NSUN6: variants seen among roughly 807,000 people sequenced by gnomAD.
NSUN6 encodes the protein tRNA (cytosine(72)-C(5))-methyltransferase NSUN6.
A neutral mutation model predicts 58.0 loss-of-function variants in NSUN6; 64 were observed. That is an observed-to-expected ratio of 1.10 (90% CI 0.90 to 1.36). The LOEUF (loss-of-function observed/expected upper bound fraction) is 1.36, where lower values mean the gene tolerates loss of function less well. NSUN6 is among the 40% of genes most tolerant of loss of function. NSUN6 has a pLI of 0.00. For missense variants in NSUN6, 701 were observed against 550.1 expected, an observed-to-expected ratio of 1.27 and a Z score of -2.74; for synonymous variants, 231 against 193.9, an observed-to-expected ratio of 1.19 and a Z score of -1.59.
At chr10:18,554,157 G>A (rs2054810693) in intron 8 of NSUN6, among the ~76,000 whole-genome samples, 1 of 150,104 alleles carries the variant, frequency 6.7e-6, no homozygotes, top group South Asian at 2.1e-4. Flanking sequence ...ATAAACGAAT[G>A]CGGAATGGAA....
intron 8 of NSUN6, among the ~76,000 whole-genome samples, chr10:18,564,808 T>G: frequency 6.6e-6 from 1 of 151,250 alleles, no homozygotes; most frequent in Non-Finnish European, 1.5e-5. Flanking sequence ...TGCATTCCAT[T>G]CCATTATTCA....
At chr10:18,610,885 T>C (rs1024059163) in intron 5 of NSUN6, among the ~76,000 whole-genome samples, 1 of 152,128 alleles carries the variant, frequency 6.6e-6, no homozygotes, top group Non-Finnish European at 1.5e-5. Context: ...GAAAAAAGTA[T>C]AGTCTCATTA....
intron 8 of NSUN6, among the ~76,000 whole-genome samples, chr10:18,574,010 A>G (rs1413654013): frequency 6.6e-6 from 1 of 152,102 alleles, no homozygotes; most frequent in Admixed American, 6.6e-5. Flanking sequence ...GCTGAAGGAA[A>G]GGCTCATAAC....
intron 3 of NSUN6, among the ~76,000 whole-genome samples, chr10:18,626,292 C>T (rs1236616178): frequency 3.3e-5 from 5 of 150,272 alleles, no homozygotes; most frequent in South Asian, 2.1e-4. Context: ...GTAATCCCAA[C>T]ACTTTGGGAG....
At chr10:18,551,005 C>T (rs1411339192) in intron 9 of NSUN6, among the ~76,000 whole-genome samples, 3 of 151,960 alleles carry the variant, frequency 2.0e-5, no homozygotes, top group Non-Finnish European at 2.9e-5. Context: ...AGATGATGGG[C>T]GCAAGCCACC....
chr10:18,579,024 C>T (rs1413271501), intron 8 of NSUN6, among the ~76,000 whole-genome samples: 2 of 152,098 alleles, frequency 1.3e-5, no homozygotes, highest in Admixed American at 6.5e-5. Flanking sequence ...ACAAATATTC[C>T]AGACCTTTCT....
In NSUN6 at chr10:18,574,446, C is replaced by A. The variant is rs181175075; in HGVS notation, c.922+11503G>T. 4.5e-3 allele frequency among the ~76,000 whole-genome samples: 682 copies of A among 152,132 alleles called. 9 individuals carry two copies. Among genetic ancestry groups the A allele is most frequent in the African/African-American group, 0.016 (666 of 41,524 alleles). On this transcript the variant is annotated intron_variant, in intron 8 of 10. Transcript: ENST00000377304. ...AATCCAAATCTAAGGAGGGAACACA[C>A]GTTAGATTTAATTTATTATCATACA...
At chr10:18,617,145 C>T (rs933535856) in intron 3 of NSUN6, among the ~76,000 whole-genome samples, 2 of 151,620 alleles carry the variant, frequency 1.3e-5, no homozygotes, top group Non-Finnish European at 2.9e-5. Context: ...AATAATCACT[C>T]ACAAAAACAA....
At chr10:18,596,913 A>G (rs1302412223) in intron 6 of NSUN6, among the ~76,000 whole-genome samples, 1 of 152,204 alleles carries the variant, frequency 6.6e-6, no homozygotes, top group African/African-American at 2.4e-5. Context: ...AACCAAGAAT[A>G]TAACTTTGCC....
At chr10:18,563,039 TGAATGGAATGGAGAATTGATTG>T (rs1334824974) in intron 8 of NSUN6, among the ~76,000 whole-genome samples, 2 of 144,034 alleles carry the variant, frequency 1.4e-5, no homozygotes, top group Non-Finnish European at 1.5e-5. Flanking sequence ...AATAGAATGC[TGAATGGAATGGAGAATTGATTG>T]GAATGGAATG....
intron 6 of NSUN6, among the ~76,000 whole-genome samples, chr10:18,599,594 C>G (rs1286289559): frequency 6.6e-6 from 1 of 152,114 alleles, no homozygotes; most frequent in Non-Finnish European, 1.5e-5. Flanking sequence ...TGCGCCACTG[C>G]TGGACTACAC....
At chr10:18,551,791 A>G in intron 9 of NSUN6, 32 bp downstream of exon 9, 1 of 1,595,100 alleles carries the variant, frequency 6.3e-7, no homozygotes, top group Non-Finnish European at 8.6e-7. Flanking sequence ...GCAAAAGTTA[A>G]CTTTGTTTCA....
At chr10:18,567,482 C>T (rs1416399876) in intron 8 of NSUN6, among the ~76,000 whole-genome samples, 1 of 150,788 alleles carries the variant, frequency 6.6e-6, no homozygotes, top group Non-Finnish European at 1.5e-5. Context: ...ATACCATCCT[C>T]CATTCCATTC....
At chr10:18,609,485 A>C (rs979303391) in intron 6 of NSUN6, among the ~76,000 whole-genome samples, 6 of 152,170 alleles carry the variant, frequency 3.9e-5, no homozygotes, top group Non-Finnish European at 8.8e-5. Flanking sequence ...TTATAATAAT[A>C]CTACCAAACC....
intron 8 of NSUN6, among the ~76,000 whole-genome samples, chr10:18,564,459 A>G (rs1008116992): frequency 6.9e-6 from 1 of 143,920 alleles, no homozygotes; most frequent in Non-Finnish European, 1.5e-5. Context: ...ATTCATACCC[A>G]TTCTCCATTC....
At chr10:18,558,175 TG>T (rs1424698545) in intron 8 of NSUN6, among the ~76,000 whole-genome samples, 1 of 148,366 alleles carries the variant, frequency 6.7e-6, no homozygotes, top group East Asian at 2.0e-4. Context: ...GAGAATGGAA[TG>T]GAATGGAATG....
At chr10:18,588,132 AGT>A (rs1186187292) in intron 7 of NSUN6, among the ~76,000 whole-genome samples, 3 of 152,322 alleles carry the variant, frequency 2.0e-5, no homozygotes, top group Middle Eastern at 3.4e-3. Flanking sequence ...GTACCTTGAC[AGT>A]GCTAAGGAGA....
chr10:18,654,877 A>T (rs763531155), upstream of NSUN6: 12 of 176,958 alleles, frequency 6.8e-5, no homozygotes, highest in Non-Finnish European at 1.2e-4. Context: ...GTCTCAAAAA[A>T]TAAAAAAATA....
intron 5 of NSUN6, among the ~76,000 whole-genome samples, chr10:18,613,834 A>G (rs1259525577): frequency 2.0e-5 from 3 of 152,186 alleles, no homozygotes; most frequent in East Asian, 3.9e-4. Context: ...CAGCATGTCT[A>G]TGTCAGCCAT....
Sources: allele counts gnomAD v4.1 joint callset (sites outside exome capture counted in the v4.1 genomes callset), GRCh38; gene constraint gnomAD v4.1.1; transcripts MANE v1.5; gene names NCBI Gene and HGNC (gene_info 2026-07-23, HGNC 2026-07-21).